The following GBE1 variants were observed in gnomAD, a reference collection of about 807,000 sequenced individuals.
The protein encoded by GBE1 is 1,4-alpha-glucan branching enzyme 1.
GBE1 carries 70 observed loss-of-function variants against 88.8 expected under a neutral mutation model. The ratio of observed to expected loss-of-function variants is 0.79; its 90% CI spans 0.65 to 0.96. GBE1 has a LOEUF of 0.96. Ranked by LOEUF, GBE1 falls within the 40% of genes least tolerant of loss-of-function variation. The pLI is 0.00. For synonymous variants in GBE1, 284 were observed against 300.1 expected (o/e 0.95, Z 0.56); for missense variants, 872 against 871.0 (o/e 1.00, Z -0.01).
At chr3:81,631,033 T>A (rs1391976389) in intron 7 of GBE1, among the ~76,000 whole-genome samples, 8 of 151,892 alleles carry the variant, frequency 5.3e-5, no homozygotes, top group African/African-American at 1.9e-4. Context: ...GAAGGCCCCA[T>A]CTCTACAAAA....
intron 1 of GBE1, among the ~76,000 whole-genome samples, chr3:81,709,101 T>C (rs1048697275): frequency 1.3e-5 from 2 of 152,224 alleles, no homozygotes; most frequent in East Asian, 3.8e-4. Flanking sequence ...ATTTAATAGT[T>C]ACACCTCATT....
Position 81,733,137 on chromosome 3 carries a change from T to G in GBE1, c.144-27524A>C, listed in dbSNP as rs1706211293. On this transcript the variant is annotated intron_variant, in intron 1 of 15. Transcript: ENST00000429644. This position sits in a 1 kb window ranked among gnomAD's most constrained non-coding sequence, Gnocchi z 4.0. Reference sequence around the variant, plus strand: ...ATTACTGCCTGAGCTCCACCTCCTGTCAGATCAGCGGTGGCATTAGATTCC... The same window carrying G: ...ATTACTGCCTGAGCTCCACCTCCTGGCAGATCAGCGGTGGCATTAGATTCC... 6.6e-6 allele frequency among the ~76,000 whole-genome samples: 1 copy of G among 152,094 alleles called. No individual in the cohort carries two copies. The highest frequency in any genetic ancestry group is 2.1e-4 in the South Asian group (1 of 4,828).
intron 14 of GBE1, among the ~76,000 whole-genome samples, chr3:81,528,390 T>C (rs575017222): frequency 7.2e-4 from 109 of 151,922 alleles, no homozygotes; most frequent in Non-Finnish European, 1.2e-3. Flanking sequence ...AAAAAGACAA[T>C]CATAAAACAA....
chr3:81,528,167 T>G (rs973585575), intron 14 of GBE1, among the ~76,000 whole-genome samples: 4 of 137,422 alleles, frequency 2.9e-5, no homozygotes, highest in African/African-American at 5.5e-5. Context: ...AATTGAACAA[T>G]GAGAACACAT....
chr3:81,599,062 A>C (rs1350510322), intron 7 of GBE1, among the ~76,000 whole-genome samples: 2 of 152,146 alleles, frequency 1.3e-5, no homozygotes, highest in Non-Finnish European at 2.9e-5. Context: ...AATTAACTCT[A>C]TTTGTATTAT....
intron 2 of GBE1, among the ~76,000 whole-genome samples, chr3:81,697,213 C>T (rs752493501): frequency 3.9e-5 from 6 of 152,024 alleles, no homozygotes; most frequent in African/African-American, 7.2e-5. Context: ...CACTTACTTA[C>T]GTTTACCAGT....
chr3:81,661,943 T>C (rs1400591657), intron 3 of GBE1, among the ~76,000 whole-genome samples: 1 of 152,212 alleles, frequency 6.6e-6, no homozygotes, highest in Admixed American at 6.5e-5. Flanking sequence ...CTACTTTGCA[T>C]TTTAAATATA....
chr3:81,491,083 G>A (rs1454229766), intron 15 of GBE1, among the ~76,000 whole-genome samples: 1 of 152,062 alleles, frequency 6.6e-6, no homozygotes, highest in African/African-American at 2.4e-5. Flanking sequence ...CCAGCCGCAG[G>A]AGCCTTTCAG....
At chr3:81,574,057 T>C (rs1157455982) in intron 12 of GBE1, among the ~76,000 whole-genome samples, 2 of 152,128 alleles carry the variant, frequency 1.3e-5, no homozygotes, top group Admixed American at 6.6e-5. Flanking sequence ...ACTCAGAAGG[T>C]AAATTGGTGA....
chr3:81,660,406 A>C (rs912107286), intron 3 of GBE1, among the ~76,000 whole-genome samples: 2 of 152,044 alleles, frequency 1.3e-5, no homozygotes, highest in African/African-American at 2.4e-5. Context: ...GCCAAGGCAC[A>C]AGGCAGCAAA....
At chr3:81,561,074 T>C (rs1183581014) in intron 12 of GBE1, among the ~76,000 whole-genome samples, 3 of 152,030 alleles carry the variant, frequency 2.0e-5, no homozygotes, top group Non-Finnish European at 4.4e-5. Flanking sequence ...ATTACAAAAT[T>C]CCTTAAAAAA....
At chr3:81,622,282 C>T (rs1265086518) in intron 7 of GBE1, among the ~76,000 whole-genome samples, 1 of 152,218 alleles carries the variant, frequency 6.6e-6, no homozygotes, top group South Asian at 2.1e-4. Context: ...CAATCCTCAT[C>T]TAAATTAAAC....
intron 7 of GBE1, among the ~76,000 whole-genome samples, chr3:81,594,382 G>A (rs1703925613): frequency 6.6e-6 from 1 of 151,818 alleles, no homozygotes; most frequent in Non-Finnish European, 1.5e-5. Flanking sequence ...AAAAGCAAAG[G>A]AATAAAATCT....
At chr3:81,508,616 C>T (rs957217145) in intron 14 of GBE1, among the ~76,000 whole-genome samples, 2 of 152,072 alleles carry the variant, frequency 1.3e-5, no homozygotes, top group African/African-American at 4.8e-5. Context: ...CCCAAACAAA[C>T]TTACTCTGGG....
chr3:81,559,312 A>G (rs1042839583), intron 12 of GBE1, among the ~76,000 whole-genome samples: 1 of 152,016 alleles, frequency 6.6e-6, no homozygotes, highest in Non-Finnish European at 1.5e-5. Context: ...TTAAGGTACT[A>G]TTTTGAGGTA....
At chr3:81,575,089 C>T (rs375198271) in intron 12 of GBE1, among the ~76,000 whole-genome samples, 43 of 150,716 alleles carry the variant, frequency 2.9e-4, no homozygotes, top group Admixed American at 2.3e-3. Flanking sequence ...GGCGTGAACC[C>T]GGGAAGCAGA....
Position 81,581,276 on chromosome 3 carries a change from C to A in GBE1, c.1336-1G>T. Reference sequence around the variant, plus strand: ...CTTCATCTTTAAACTCTTTAAGTAGCTAGACACAAGAGAGAAAAATAAGCT... The same window carrying A: ...CTTCATCTTTAAACTCTTTAAGTAGATAGACACAAGAGAGAAAAATAAGCT... On this transcript the variant is annotated splice_acceptor_variant, in intron 10 of 15. Coordinates refer to ENST00000429644, the MANE Select transcript of GBE1 (RefSeq NM_000158.4). LOFTEE classifies it high-confidence loss of function. 1 of 1,515,520 alleles carries A rather than the reference C, an allele frequency of 6.6e-7. No individual in the cohort carries two copies. Among genetic ancestry groups the A allele is most frequent in the South Asian group, 1.2e-5 (1 of 80,838 alleles). 93.9% of individuals were successfully genotyped at this position (1,515,520 alleles called of 1,614,324 possible). A position where few individuals can be genotyped will look rare whatever the true frequency, so the allele number is the denominator to read the frequency against.
chr3:81,535,400 C>T lies in GBE1; in HGVS notation c.1804-75G>A, dbSNP rs1576137511. On this transcript the variant is annotated intron_variant, in intron 13 of 15. Transcript: ENST00000429644. ...TACAAGTACATTATTTTTTGTCTTT[C>T]TTAATAGTCTGGTTATTAAACCAAA... 8 of 1,414,352 alleles carry T rather than the reference C, an allele frequency of 5.7e-6. No individual in the cohort carries two copies. In the East Asian group the frequency reaches 1.7e-4, roughly 29 times the overall value. The allele number at this position is 1,414,352 out of a possible 1,614,324, so 87.6% of individuals were successfully genotyped here.
chr3:81,737,379 T>TA (rs1487190842), intron 1 of GBE1, among the ~76,000 whole-genome samples: 5 of 31,924 alleles, frequency 1.6e-4, no homozygotes, highest in African/African-American at 8.2e-4. Flanking sequence ...ATATATATTT[T>TA]TATATATATT....
Sources: gnomAD v4.1 joint callset for allele counts (sites outside exome capture counted in the v4.1 genomes callset) on GRCh38, gnomAD v4.1.1 for gene constraint, Gnocchi (gnomAD v3.1) non-coding constraint, MANE v1.5 for transcripts, NCBI Gene and HGNC (gene_info 2026-07-23, HGNC 2026-07-21) for gene names.